SIK2: variants seen among roughly 807,000 people sequenced by gnomAD.
SIK2 encodes salt inducible kinase 2, also known as serine/threonine-protein kinase SIK2.
SIK2 carries 29 observed loss-of-function variants against 103.2 expected under a neutral mutation model. The observed-to-expected ratio is 0.28, with a 90% CI of 0.21 to 0.38. The LOEUF (loss-of-function observed/expected upper bound fraction) is 0.38. SIK2 is among the 10% of genes least tolerant of loss of function. SIK2 has a pLI of 1.00. For synonymous variants in SIK2, 412 were observed against 446.1 expected (o/e 0.92, Z 0.96); for missense variants, 879 against 1,171.0 (o/e 0.75, Z 3.64).
Position 111,667,488 on chromosome 11 carries a change from C to CT in SIK2, c.317-20492dup, listed in dbSNP as rs565449284. Among the ~76,000 whole-genome samples, 394 of 105,366 alleles carry CT rather than the reference C, an allele frequency of 3.7e-3. 2 individuals are homozygous for CT. Among genetic ancestry groups the CT allele is most frequent in the African/African-American group, 8.1e-3 (253 of 31,130 alleles). The allele number at this position is 105,366 out of a possible 152,430, so 69.1% of individuals were successfully genotyped here. ...CTGATCAATAGTTATTGTTGGTTAT[C>CT]TTTTTTTTTTTTTTTTTTTTTGAGT... On this transcript the variant is annotated intron_variant, in intron 3 of 14. Coordinates refer to ENST00000304987, the MANE Select transcript of SIK2 (RefSeq NM_015191.3).
At chr11:111,675,936 T>G (rs1182501993) in intron 3 of SIK2, among the ~76,000 whole-genome samples, 2 of 152,190 alleles carry the variant, frequency 1.3e-5, no homozygotes, top group Non-Finnish European at 2.9e-5. Context: ...CCCATTGTCT[T>G]TCTTGCCTTC....
chr11:111,648,196 G>C (rs1033115611), intron 3 of SIK2, among the ~76,000 whole-genome samples: 1 of 151,954 alleles, frequency 6.6e-6, no homozygotes, highest in Non-Finnish European at 1.5e-5. Context: ...TTTCATTTGG[G>C]TTTTTAAATA....
chr11:111,692,412 G>C (rs1412738847), intron 4 of SIK2, among the ~76,000 whole-genome samples: 1 of 133,852 alleles, frequency 7.5e-6, no homozygotes, highest in Non-Finnish European at 1.6e-5. Flanking sequence ...GAGGGAGAGA[G>C]AGAGATAGAG....
chr11:111,713,475 G>T (rs982527843), intron 9 of SIK2, among the ~76,000 whole-genome samples: 3 of 152,184 alleles, frequency 2.0e-5, no homozygotes, highest in African/African-American at 7.2e-5. Flanking sequence ...AGACTATTAT[G>T]AGGATTAATT....
chr11:111,705,260 T>C lies in SIK2; in HGVS notation c.1101+121T>C. ...TCTACACTCCGTTTTTCTGTAAAAT[T>C]TCTGCCTGCCATTCACTAGATTCTC... On this transcript the variant is annotated intron_variant, in intron 8 of 14. Transcript: ENST00000304987. The surrounding 1 kb of genome is among the most constrained non-coding windows in gnomAD (Gnocchi z 4.3). 1 of 1,073,324 alleles carries C rather than the reference T, an allele frequency of 9.3e-7. No individual in the cohort carries two copies. Among genetic ancestry groups the C allele is most frequent in the Non-Finnish European group, 1.2e-6 (1 of 814,814 alleles). 66.5% of individuals were successfully genotyped at this position (1,073,324 alleles called of 1,614,324 possible). A position where few individuals can be genotyped will look rare whatever the true frequency, so the allele number is the denominator to read the frequency against.
intron 3 of SIK2, among the ~76,000 whole-genome samples, chr11:111,642,781 C>A (rs947782276): frequency 2.7e-5 from 4 of 145,536 alleles, no homozygotes; most frequent in Non-Finnish European, 6.0e-5. Flanking sequence ...TGGGGACTCA[C>A]CACTAGTCAC....
chr11:111,656,605 C>T (rs1298905293), intron 3 of SIK2, among the ~76,000 whole-genome samples: 2 of 152,132 alleles, frequency 1.3e-5, no homozygotes, highest in Non-Finnish European at 2.9e-5. Context: ...ACAAGTCATT[C>T]AAAATGCAAA....
intron 9 of SIK2, among the ~76,000 whole-genome samples, chr11:111,717,604 AGGAATG>A (rs1489203656): frequency 6.6e-6 from 1 of 152,212 alleles, no homozygotes; most frequent in Non-Finnish European, 1.5e-5. Flanking sequence ...ATATACCCAA[AGGAATG>A]TAAATCATTC....
At chr11:111,690,306 A>G (rs1221282020) in intron 4 of SIK2, among the ~76,000 whole-genome samples, 1 of 148,100 alleles carries the variant, frequency 6.8e-6, no homozygotes, top group Non-Finnish European at 1.5e-5. Flanking sequence ...TTAGCTCTGT[A>G]GAAAGAAGGG....
chr11:111,720,275 T>C (rs1173166432), intron 10 of SIK2, among the ~76,000 whole-genome samples: 1 of 152,128 alleles, frequency 6.6e-6, no homozygotes, highest in Non-Finnish European at 1.5e-5. Context: ...CTGGCTGAGA[T>C]CTTACAGATG....
At chr11:111,615,791 C>A (rs1436825642) in intron 1 of SIK2, among the ~76,000 whole-genome samples, 1 of 152,100 alleles carries the variant, frequency 6.6e-6, no homozygotes, top group Non-Finnish European at 1.5e-5. Context: ...TGTCTGTATT[C>A]TTTGAAACTT....
Position 111,705,285 on chromosome 11 carries a change from C to G in SIK2, c.1101+146C>G. ...TTCTGCCTGCCATTCACTAGATTCT[C>G]AAATGTTTTAGCACTTCCTCATTTT... On this transcript the variant is annotated intron_variant, in intron 8 of 14. Transcript: ENST00000304987. This position sits in a 1 kb window ranked among gnomAD's most constrained non-coding sequence, Gnocchi z 4.3. 1 of 796,894 alleles carries G rather than the reference C, an allele frequency of 1.3e-6. No homozygotes were observed. The highest frequency in any genetic ancestry group is 1.8e-5 in the African/African-American group (1 of 55,130). 49.4% of individuals were successfully genotyped at this position (796,894 alleles called of 1,614,324 possible).
rs746030792 is a variant in SIK2, at chr11:111,616,377, AC to A, written c.252+19del. The A allele has an allele frequency of 1.5e-6, 2 of 1,348,772 alleles. No homozygotes were observed. Among genetic ancestry groups the A allele is most frequent in the Admixed American group, 3.4e-5 (2 of 58,766 alleles). 83.6% of individuals were successfully genotyped at this position (1,348,772 alleles called of 1,614,324 possible). On this transcript the variant is annotated intron_variant, in intron 2 of 14. Transcript: ENST00000304987. The stretch of plus-strand genomic sequence containing the variant: ...TTTATCAGGTATGACTCAGCCTAAC[AC>A]TATCTCCATTCATTCCACAAGATAG...
At chr11:111,630,748 A>T (rs1438035798) in intron 3 of SIK2, among the ~76,000 whole-genome samples, 1 of 152,172 alleles carries the variant, frequency 6.6e-6, no homozygotes, top group African/African-American at 2.4e-5. Flanking sequence ...GGTCATTAAG[A>T]GATCACCAGT....
chr11:111,633,463 C>G (rs1942065075), intron 3 of SIK2, among the ~76,000 whole-genome samples: 1 of 152,154 alleles, frequency 6.6e-6, no homozygotes, highest in African/African-American at 2.4e-5. Context: ...ACCTTATTTA[C>G]CGAGTGAAGC....
intron 8 of SIK2, among the ~76,000 whole-genome samples, chr11:111,711,345 T>A (rs1252909975): frequency 6.6e-6 from 1 of 152,084 alleles, no homozygotes; most frequent in Non-Finnish European, 1.5e-5. Context: ...ATGGTCTCGA[T>A]CTCCTGATCT....
rs138774443 is a variant in SIK2 at position 111,691,144 on chromosome 11, G to A, written c.478+2982G>A. Among the ~76,000 whole-genome samples, 459 of 152,254 alleles carry A rather than the reference G, an allele frequency of 3.0e-3. 1 individual carries two copies. Among genetic ancestry groups the A allele is most frequent in the African/African-American group, 0.01 (432 of 41,548 alleles). On this transcript the variant is annotated intron_variant, in intron 4 of 14. Transcript: ENST00000304987. ...ATTATAATTCTGGCATAAAATATACGTGGGTCAAATCAGTGTTTCTGATGT... is the reference window on the plus strand; with the variant it reads ...ATTATAATTCTGGCATAAAATATACATGGGTCAAATCAGTGTTTCTGATGT...
chr11:111,658,485 A>G (rs1942424506), intron 3 of SIK2, among the ~76,000 whole-genome samples: 1 of 152,100 alleles, frequency 6.6e-6, no homozygotes, highest in South Asian at 2.1e-4. Flanking sequence ...GTTCACACCT[A>G]TAATCCCAGC....
chr11:111,698,370 T>C (rs901544820), intron 4 of SIK2, among the ~76,000 whole-genome samples: 4 of 152,196 alleles, frequency 2.6e-5, no homozygotes, highest in African/African-American at 9.6e-5. Context: ...CTCTGTCCCA[T>C]TCACTCCTTT....
Sources: allele counts gnomAD v4.1 joint callset (sites outside exome capture counted in the v4.1 genomes callset), GRCh38; gene constraint gnomAD v4.1.1; non-coding constraint Gnocchi (gnomAD v3.1); transcripts MANE v1.5; gene names NCBI Gene and HGNC (gene_info 2026-07-23, HGNC 2026-07-21).